SAMD12: variants seen among roughly 807,000 people sequenced by gnomAD.
SAMD12 encodes sterile alpha motif domain-containing protein 12.
SAMD12 carries 9 observed loss-of-function variants against 15.0 expected under a neutral mutation model. The ratio of observed to expected loss-of-function variants is 0.60; its 90% CI spans 0.36 to 1.05. The LOEUF (loss-of-function observed/expected upper bound fraction) is 1.05. Ranked by LOEUF, SAMD12 falls within the 50% of genes least tolerant of loss-of-function variation. The pLI is 0.01. For missense variants in SAMD12, 230 were observed against 234.2 expected, an observed-to-expected ratio of 0.98 and a Z score of 0.12; for synonymous variants, 86 against 90.1, an observed-to-expected ratio of 0.96 and a Z score of 0.25.
chr8:118,485,950 G>A (rs533894713), intron 2 of SAMD12, among the ~76,000 whole-genome samples: 2 of 152,314 alleles, frequency 1.3e-5, no homozygotes, highest in South Asian at 2.1e-4. Flanking sequence ...TGAGGTACAC[G>A]AGAATTTCAT....
chr8:118,343,407 C>T (rs1324910228), intron 4 of SAMD12, among the ~76,000 whole-genome samples: 1 of 151,184 alleles, frequency 6.6e-6, no homozygotes, highest in Non-Finnish European at 1.5e-5. Flanking sequence ...AGAAATGCAA[C>T]ATGCAAAAAT....
the SAMD12 span, among the ~76,000 whole-genome samples, chr8:118,138,976 A>T: frequency 6.6e-6 from 1 of 152,206 alleles, no homozygotes; most frequent in Non-Finnish European, 1.5e-5. Context: ...CGTACAACTC[A>T]TTGCTGGACT....
At chr8:118,165,473 C>T in the SAMD12 span, among the ~76,000 whole-genome samples, 2 of 151,688 alleles carry the variant, frequency 1.3e-5, no homozygotes, top group African/African-American at 4.8e-5. Context: ...CTAGACTGGT[C>T]TCAAACTCCT....
chr8:118,318,327 T>TATATATATATATATATATATATATAC (rs1816041170), intron 4 of SAMD12, among the ~76,000 whole-genome samples: 7 of 35,072 alleles, frequency 2.0e-4, no homozygotes, highest in Non-Finnish European at 5.6e-4. Context: ...TATATATATA[T>TATATATATATATATATATATATATAC]ATATATATAT....
intron 2 of SAMD12, among the ~76,000 whole-genome samples, chr8:118,497,997 A>T (rs1169892790): frequency 6.6e-6 from 1 of 152,198 alleles, no homozygotes; most frequent in African/African-American, 2.4e-5. Context: ...AAAGGAAGAA[A>T]GTCAGGAAGT....
chr8:118,592,119 C>T (rs945908018), intron 1 of SAMD12, among the ~76,000 whole-genome samples: 25 of 152,120 alleles, frequency 1.6e-4, no homozygotes, highest in Non-Finnish European at 2.4e-4. Context: ...GTCGGGAGTT[C>T]GAGACCAGCC....
At chr8:118,217,714 A>C (rs1450275747) in intron 4 of SAMD12, among the ~76,000 whole-genome samples, 1 of 152,174 alleles carries the variant, frequency 6.6e-6, no homozygotes, top group African/African-American at 2.4e-5. Flanking sequence ...CTGTATTCAA[A>C]AACCTCCTGT....
intron 2 of SAMD12, among the ~76,000 whole-genome samples, chr8:118,497,739 G>GGGGGGGGAAA (rs1824665092): frequency 3.4e-5 from 2 of 58,242 alleles, no homozygotes; most frequent in African/African-American, 1.5e-4. Flanking sequence ...GGGGTGGGGG[G>GGGGGGGGAAA]AAAGAAAAAA....
rs1412566834 is a variant in SAMD12, at chr8:118,492,512, G to A, written c.193-52551C>T. ...TAGGGATGGGGGGATTCATTCATTT[G>A]AAGAAGCCATTTCTTTGCTCATGCT... On this transcript the variant is annotated intron_variant, in intron 2 of 3. Coordinates refer to ENST00000314727, the MANE Select transcript of SAMD12 (RefSeq NM_207506.3). Among the ~76,000 whole-genome samples, 8 of 152,208 alleles carry A rather than the reference G, an allele frequency of 5.3e-5. No individual in the cohort carries two copies. In the South Asian group the frequency reaches 1.0e-3, roughly 20 times the overall value.
At chr8:118,212,987 C>T (rs1811871757) in intron 4 of SAMD12, among the ~76,000 whole-genome samples, 1 of 152,108 alleles carries the variant, frequency 6.6e-6, no homozygotes, top group Non-Finnish European at 1.5e-5. Context: ...CAAATCCCTG[C>T]CTTTTTAATA....
chr8:118,151,048 T>A, the SAMD12 span, among the ~76,000 whole-genome samples: 6 of 147,940 alleles, frequency 4.1e-5, no homozygotes, highest in South Asian at 1.1e-3. Flanking sequence ...AAAAAAATTT[T>A]TTTTTTAATT....
At chr8:118,393,802 A>G (rs1045702705) in intron 3 of SAMD12, among the ~76,000 whole-genome samples, 4 of 151,792 alleles carry the variant, frequency 2.6e-5, no homozygotes, top group Non-Finnish European at 5.9e-5. Flanking sequence ...GTGTTTCACC[A>G]TGTTGGCCAG....
At chr8:118,577,015 C>T (rs960124573) in intron 2 of SAMD12, among the ~76,000 whole-genome samples, 1 of 152,178 alleles carries the variant, frequency 6.6e-6, no homozygotes, top group Non-Finnish European at 1.5e-5. Context: ...ATAGCTGTGG[C>T]GTGGCATGGC....
At chr8:118,178,890 G>A in the SAMD12 span, among the ~76,000 whole-genome samples, 1 of 152,200 alleles carries the variant, frequency 6.6e-6, no homozygotes, top group Non-Finnish European at 1.5e-5. Flanking sequence ...TCTAATGTAC[G>A]TGGGGCACCT....
chr8:118,521,251 G>T (rs1176027719), intron 2 of SAMD12, among the ~76,000 whole-genome samples: 1 of 152,120 alleles, frequency 6.6e-6, no homozygotes, highest in East Asian at 1.9e-4. Flanking sequence ...CTCACTGTCT[G>T]TCACATTTCC....
intron 2 of SAMD12, among the ~76,000 whole-genome samples, chr8:118,466,537 T>A (rs1490518542): frequency 2.0e-5 from 3 of 152,150 alleles, no homozygotes; most frequent in Non-Finnish European, 2.9e-5. Context: ...ATACCATAAA[T>A]AACACAAAAG....
chr8:118,603,572 T>C (rs1827915229), intron 1 of SAMD12, among the ~76,000 whole-genome samples: 1 of 152,212 alleles, frequency 6.6e-6, no homozygotes, highest in South Asian at 2.1e-4. Context: ...TTTTCAGATA[T>C]GCAAGTTCTC....
intron 4 of SAMD12, among the ~76,000 whole-genome samples, chr8:118,310,135 G>A (rs1169236209): frequency 6.6e-6 from 1 of 152,120 alleles, no homozygotes; most frequent in African/African-American, 2.4e-5. Context: ...TCTTCTATGT[G>A]CCTCTTTAGA....
chr8:118,256,872 A>G (rs1812954405), intron 4 of SAMD12, among the ~76,000 whole-genome samples: 1 of 151,498 alleles, frequency 6.6e-6, no homozygotes, highest in Non-Finnish European at 1.5e-5. Flanking sequence ...GTCTTTTAGG[A>G]TACTTTGGAT....
Sources: allele counts gnomAD v4.1 joint callset (sites outside exome capture counted in the v4.1 genomes callset), GRCh38; gene constraint gnomAD v4.1.1; transcripts MANE v1.5; gene names NCBI Gene and HGNC (gene_info 2026-07-23, HGNC 2026-07-21).